The following GSE1 variants were observed in gnomAD, a reference collection of about 807,000 sequenced individuals.
GSE1 encodes the protein Gse1 coiled-coil protein.
A neutral mutation model predicts 112.6 loss-of-function variants in GSE1; 32 were observed. That is an observed-to-expected ratio of 0.28 (90% CI 0.21 to 0.38). The LOEUF (loss-of-function observed/expected upper bound fraction) is 0.38. Ranked by LOEUF, GSE1 falls within the 10% of genes least tolerant of loss-of-function variation. The probability of loss-of-function intolerance (pLI) is 1.00; values close to 1 mark genes in which losing one functional copy is unlikely to be tolerated. For synonymous variants in GSE1, 1,115 were observed against 735.6 expected, an observed-to-expected ratio of 1.52 and a Z score of -8.35; for missense variants, 2,348 against 1,699.2, an observed-to-expected ratio of 1.38 and a Z score of -6.71.
At chr16:85,563,817 G>T (rs1402554023) in intron 1 of GSE1, among the ~76,000 whole-genome samples, 1 of 152,240 alleles carries the variant, frequency 6.6e-6, no homozygotes, top group Non-Finnish European at 1.5e-5. Flanking sequence ...GGATTTGGGG[G>T]TCTCGTGGTC....
intron 1 of GSE1, among the ~76,000 whole-genome samples, chr16:85,256,344 A>T (rs1022501670): frequency 6.6e-6 from 1 of 152,266 alleles, no homozygotes; most frequent in Non-Finnish European, 1.5e-5. Flanking sequence ...AGTGCTTTGC[A>T]TTAATAAAAA....
chr16:85,507,850 T>C (rs1184721850), intron 2 of GSE1, among the ~76,000 whole-genome samples: 3 of 152,206 alleles, frequency 2.0e-5, no homozygotes, highest in Non-Finnish European at 4.4e-5. Flanking sequence ...ATTTTCCCTC[T>C]TTTTCAATTT....
chr16:85,655,122 A>C, intron 5 of GSE1, 131 bp downstream of exon 5: 1 of 674,106 alleles, frequency 1.5e-6, no homozygotes, highest in Non-Finnish European at 2.6e-6. Context: ...TAGCCCCTGA[A>C]ATCGTCCCCA....
intron 2 of GSE1, among the ~76,000 whole-genome samples, chr16:85,383,383 C>T (rs111065441): frequency 6.6e-6 from 1 of 152,028 alleles, no homozygotes; most frequent in African/African-American, 2.4e-5. Context: ...ACACAGCACA[C>T]ATACACTCAC....
chr16:85,195,551 A>C (rs1335305827), intron 1 of GSE1, among the ~76,000 whole-genome samples: 1 of 152,194 alleles, frequency 6.6e-6, no homozygotes, highest in Non-Finnish European at 1.5e-5. Context: ...GCTCTATGCC[A>C]CATTTGTCAA....
At chr16:85,442,234 T>C (rs145244251) in intron 2 of GSE1, among the ~76,000 whole-genome samples, 123 of 152,296 alleles carry the variant, frequency 8.1e-4, no homozygotes, top group African/African-American at 2.7e-3. Context: ...TAAATAGCTG[T>C]TCTGCTGCCT....
At chr16:85,514,917 A>G (rs2151939399) in intron 2 of GSE1, among the ~76,000 whole-genome samples, 1 of 151,992 alleles carries the variant, frequency 6.6e-6, no homozygotes, top group African/African-American at 2.4e-5. Flanking sequence ...GTTTGCCCGT[A>G]CGTGTGTGTG....
chr16:85,343,734 G>A (rs949548452), intron 1 of GSE1, among the ~76,000 whole-genome samples: 2 of 152,164 alleles, frequency 1.3e-5, no homozygotes. Context: ...TGGGCAACAA[G>A]TGAGATCCTG....
intron 1 of GSE1, among the ~76,000 whole-genome samples, chr16:85,279,194 A>T (rs537845016): frequency 6.4e-4 from 97 of 152,228 alleles, no homozygotes; most frequent in South Asian, 1.9e-3. Context: ...GGGAGGGGGG[A>T]GGAGGATGCT....
At chr16:85,655,655 C>T in intron 5 of GSE1, 71 bp from the exon 6 acceptor site, 1 of 1,017,760 alleles carries the variant, frequency 9.8e-7, no homozygotes, top group Non-Finnish European at 1.5e-6. Flanking sequence ...CTGGCTGAGA[C>T]ACACCTGTCG....
intron 1 of GSE1, among the ~76,000 whole-genome samples, chr16:85,199,938 G>A (rs931778713): frequency 3.3e-5 from 5 of 152,108 alleles, no homozygotes; most frequent in Admixed American, 1.3e-4. Context: ...TGTGGAGGAC[G>A]AGGGGGACAC....
chr16:85,239,129 A>G (rs187038690), intron 1 of GSE1, among the ~76,000 whole-genome samples: 21 of 152,112 alleles, frequency 1.4e-4, no homozygotes, highest in Admixed American at 2.6e-4. Context: ...TTGAGGTTTC[A>G]CCATGTTGGC....
At chr16:85,512,533 TC>T in intron 2 of GSE1, among the ~76,000 whole-genome samples, 1 of 152,328 alleles carries the variant, frequency 6.6e-6, no homozygotes, top group East Asian at 1.9e-4. Context: ...CAAGATTTTT[TC>T]GGGGACTGCT....
chr16:85,426,972 G>A (rs2049008770), intron 2 of GSE1, among the ~76,000 whole-genome samples: 3 of 152,136 alleles, frequency 2.0e-5, no homozygotes, highest in South Asian at 2.1e-4. Flanking sequence ...GCCCCTTACT[G>A]TTGAGTGACC....
chr16:85,205,335 T>G (rs1267408312), intron 1 of GSE1, among the ~76,000 whole-genome samples: 2 of 152,188 alleles, frequency 1.3e-5, no homozygotes, highest in Non-Finnish European at 1.5e-5. Flanking sequence ...TTTCGCCATG[T>G]TGGCCAGGCT....
chr16:85,205,260 T>A (rs2075095550), intron 1 of GSE1, among the ~76,000 whole-genome samples: 1 of 152,020 alleles, frequency 6.6e-6, no homozygotes, highest in Non-Finnish European at 1.5e-5. Context: ...ACCTCCCGAG[T>A]AGCTGGAATT....
intron 2 of GSE1, among the ~76,000 whole-genome samples, chr16:85,549,779 G>C (rs2044838329): frequency 6.6e-6 from 1 of 152,208 alleles, no homozygotes; most frequent in Non-Finnish European, 1.5e-5. Flanking sequence ...AGAGAAAGAG[G>C]GTGTGTCCTC....
chr16:85,344,998 C>T (rs1445134659), intron 1 of GSE1, among the ~76,000 whole-genome samples: 1 of 152,238 alleles, frequency 6.6e-6, no homozygotes. Flanking sequence ...CGCCCCCTCC[C>T]ACAGGCCCTC....
At chr16:85,483,197 A>G (rs912353562) in intron 2 of GSE1, among the ~76,000 whole-genome samples, 3 of 152,376 alleles carry the variant, frequency 2.0e-5, no homozygotes, top group Admixed American at 2.0e-4. Context: ...CTCACTGTGT[A>G]TTAATACATG....
Sources: gnomAD v4.1 joint callset for allele counts (sites outside exome capture counted in the v4.1 genomes callset) on GRCh38, gnomAD v4.1.1 for gene constraint, MANE v1.5 for transcripts, NCBI Gene and HGNC (gene_info 2026-07-23, HGNC 2026-07-21) for gene names.